Variants in P4HA1 observed in about 807,000 individuals in gnomAD.
P4HA1 encodes the protein prolyl 4-hydroxylase subunit alpha-1.
In P4HA1, 24 loss-of-function variants were observed where a neutral mutation model predicts 72.8. The ratio of observed to expected loss-of-function variants is 0.33; its 90% CI spans 0.24 to 0.46. The LOEUF is 0.46. P4HA1 is among the 20% of genes least tolerant of loss of function. The pLI is 1.00. For missense variants in P4HA1, 446 were observed against 640.6 expected, an observed-to-expected ratio of 0.70 and a Z score of 3.28; for synonymous variants, 201 against 218.8, an observed-to-expected ratio of 0.92 and a Z score of 0.72.
Position 73,047,011 on chromosome 10 carries a change from C to T in P4HA1, c.991G>A (p.Glu331Lys). Reference sequence around the variant, plus strand: ...CGAATAATACGAGGCTTGTCCCATTCATCCTCCTGTTTAGCTGGAGCCAGA... The same window carrying T: ...CGAATAATACGAGGCTTGTCCCATTTATCCTCCTGTTTAGCTGGAGCCAGA... ...FILAPAKQEDEWDKPRIIRFH... is the reference protein window; with the variant it reads ...FILAPAKQEDKWDKPRIIRFH... Residue 331 changes from glutamate (E) to lysine (K), a missense_variant, in exon 8 of 15, where the codon GAA becomes AAA. Transcript: ENST00000394890. 1 of 1,612,880 alleles carries T rather than the reference C, an allele frequency of 6.2e-7. No homozygotes were observed. The highest frequency in any genetic ancestry group is 8.5e-7 in the Non-Finnish European group (1 of 1,178,904).
intron 10 of P4HA1, 64 bp downstream of exon 10, chr10:73,030,207 G>A: frequency 1.3e-6 from 1 of 764,594 alleles, no homozygotes; most frequent in East Asian, 2.8e-5. Context: ...TTCAGTGTCA[G>A]GAAATCTCCT....
At chr10:73,021,255 C>A (rs771696272) in intron 10 of P4HA1, among the ~76,000 whole-genome samples, 5 of 152,134 alleles carry the variant, frequency 3.3e-5, no homozygotes, top group African/African-American at 7.2e-5. Context: ...GAGAACAGTA[C>A]AGAGGTTCCC....
At chr10:73,018,042 C>T (rs1840048480) in intron 10 of P4HA1, among the ~76,000 whole-genome samples, 1 of 152,162 alleles carries the variant, frequency 6.6e-6, no homozygotes, top group Non-Finnish European at 1.5e-5. Context: ...GGAATGAAGG[C>T]CTACTTGAAG....
intron 1 of P4HA1, among the ~76,000 whole-genome samples, chr10:73,093,985 A>C (rs1044788362): frequency 6.8e-6 from 1 of 146,554 alleles, no homozygotes; most frequent in African/African-American, 2.5e-5. Context: ...CACACAACAC[A>C]TTATGGTTTA....
At chr10:73,089,926 T>G (rs960878121) in intron 1 of P4HA1, among the ~76,000 whole-genome samples, 9 of 152,140 alleles carry the variant, frequency 5.9e-5, no homozygotes, top group Non-Finnish European at 1.0e-4. Flanking sequence ...AGCCTTAATC[T>G]CCAGGCTTTG....
intron 10 of P4HA1, among the ~76,000 whole-genome samples, chr10:73,019,730 G>GAAAAAAAAAAAAAAAAAAAAAAAA (rs3066045): frequency 1.5e-5 from 1 of 65,232 alleles, no homozygotes; most frequent in Admixed American, 2.6e-4. Flanking sequence ...CTCTGTCTCA[G>GAAAAAAAAAAAAAAAAAAAAAAAA]AAAAAAAAAA....
intron 10 of P4HA1, among the ~76,000 whole-genome samples, chr10:73,019,716 G>A (rs1275563178): frequency 1.5e-4 from 13 of 84,336 alleles, no homozygotes; most frequent in African/African-American, 4.1e-4. Context: ...GCGACAGAGC[G>A]AGACTCTGTC....
chr10:73,068,228 G>T (rs1410378574), intron 5 of P4HA1, among the ~76,000 whole-genome samples: 1 of 152,126 alleles, frequency 6.6e-6, no homozygotes, highest in African/African-American at 2.4e-5. Flanking sequence ...TTTTCTTACG[G>T]AGAAAATCAA....
At chr10:73,073,551 T>C (rs1036648106) in intron 3 of P4HA1, among the ~76,000 whole-genome samples, 180 bp downstream of exon 3, 2 of 152,158 alleles carry the variant, frequency 1.3e-5, no homozygotes, top group African/African-American at 4.8e-5. Flanking sequence ...TCCCAACCCA[T>C]ATTCTTCCAT....
rs755553766 is a variant in P4HA1, at chr10:73,051,115, C to T, written c.838G>A (p.Val280Met). 1 of 1,613,990 alleles carries T rather than the reference C, an allele frequency of 6.2e-7. No individual in the cohort carries two copies. Among genetic ancestry groups the T allele is most frequent in the Admixed American group, 1.7e-5 (1 of 59,990 alleles). The change falls in exon 7 of 15, where the codon GTG becomes ATG. Residue 280 changes from valine (V) to methionine (M), a missense_variant. Transcript: ENST00000394890. ...TTCTGTCTCTCTGGCAGGTAATCCA[C>T]AGCAACCCCTTTTTTCTTTGGTGTA... ...KTTPKKKGVA[V>M]DYLPERQKYE... is the part of the protein sequence containing the mutation.
intron 5 of P4HA1, among the ~76,000 whole-genome samples, chr10:73,059,615 C>A (rs1470564880): frequency 6.6e-6 from 1 of 150,518 alleles, no homozygotes; most frequent in East Asian, 1.9e-4. Flanking sequence ...TGGTGGCGGG[C>A]GCCTATAGTG....
At chr10:73,040,656 T>C (rs1230388189) in intron 9 of P4HA1, among the ~76,000 whole-genome samples, 2 of 151,744 alleles carry the variant, frequency 1.3e-5, no homozygotes, top group African/African-American at 4.8e-5. Context: ...GTATTTTTAG[T>C]AGAGATGGGG....
intron 6 of P4HA1, 91 bp downstream of exon 6, chr10:73,053,260 A>C: frequency 8.0e-7 from 1 of 1,255,298 alleles, no homozygotes; most frequent in Non-Finnish European, 1.1e-6. Context: ...AAGTAAGAAA[A>C]TACCATATAT....
chr10:73,049,393 A>G (rs1293592773), intron 7 of P4HA1, among the ~76,000 whole-genome samples: 1 of 152,240 alleles, frequency 6.6e-6, no homozygotes, highest in East Asian at 1.9e-4. Flanking sequence ...AACTCCTTCT[A>G]TGCAAGCCTG....
intron 5 of P4HA1, 70 bp from the exon 6 acceptor site, chr10:73,053,660 C>CAT: frequency 7.5e-7 from 1 of 1,335,604 alleles, no homozygotes; most frequent in Non-Finnish European, 1.0e-6. Flanking sequence ...GACTACACAG[C>CAT]TTTCAAAATG....
At chr10:73,039,854 C>CTTTT (rs765288935) in intron 9 of P4HA1, among the ~76,000 whole-genome samples, 79 of 86,990 alleles carry the variant, frequency 9.1e-4, no homozygotes, top group African/African-American at 1.7e-3. Flanking sequence ...CTGAGATGGC[C>CTTTT]TTTTTTTTTT....
chr10:73,012,798 T>A (rs1839935039), intron 12 of P4HA1, among the ~76,000 whole-genome samples: 1 of 152,156 alleles, frequency 6.6e-6, no homozygotes, highest in South Asian at 2.1e-4. Context: ...ATATTTTTTT[T>A]ATTTTTATTT....
intron 9 of P4HA1, among the ~76,000 whole-genome samples, chr10:73,035,709 C>T (rs1297605343): frequency 6.6e-6 from 1 of 152,174 alleles, no homozygotes; most frequent in Admixed American, 6.5e-5. Context: ...TGTGGAATTG[C>T]TAAATGACTT....
chr10:73,043,512 T>TA (rs1485841700), intron 9 of P4HA1, among the ~76,000 whole-genome samples: 2 of 152,216 alleles, frequency 1.3e-5, no homozygotes, highest in Non-Finnish European at 2.9e-5. Context: ...GGCACTTACT[T>TA]ACGCAATACC....
Sources: gnomAD v4.1 joint callset for allele counts (sites outside exome capture counted in the v4.1 genomes callset) on GRCh38, gnomAD v4.1.1 for gene constraint, MANE v1.5 for transcripts, NCBI Gene and HGNC (gene_info 2026-07-23, HGNC 2026-07-21) for gene names.